Variants in ADGRL3 observed in about 807,000 individuals in gnomAD.
ADGRL3 encodes calcium-independent alpha-latrotoxin receptor 3.
ADGRL3 carries 62 observed loss-of-function variants against 153.5 expected under a neutral mutation model. The ratio of observed to expected loss-of-function variants is 0.40; its 90% confidence interval spans 0.33 to 0.50. The LOEUF (loss-of-function observed/expected upper bound fraction) is 0.50. Among genes scored for constraint, ADGRL3 ranks in the 20% least tolerant of loss-of-function variants. The probability of loss-of-function intolerance (pLI) is 0.47; values close to 1 mark genes in which losing one functional copy is unlikely to be tolerated. For synonymous variants in ADGRL3, 710 were observed against 672.5 expected (o/e 1.06, Z -0.86); for missense variants, 1,641 against 1,859.4 (o/e 0.88, Z 2.16).
At chr4:61,824,720 C>T (rs955685471) in intron 9 of ADGRL3, among the ~76,000 whole-genome samples, 1 of 152,068 alleles carries the variant, frequency 6.6e-6, no homozygotes, top group African/African-American at 2.4e-5. Flanking sequence ...TTGGCATACT[C>T]AACATAACAC....
At chr4:61,313,295 T>G (rs1336053550) in intron 1 of ADGRL3, among the ~76,000 whole-genome samples, 3 of 152,196 alleles carry the variant, frequency 2.0e-5, no homozygotes, top group Admixed American at 2.0e-4. Context: ...GAGTACTCTA[T>G]ATGGCACTGC....
chr4:61,258,566 T>C (rs1231045539), intron 1 of ADGRL3, among the ~76,000 whole-genome samples: 1 of 152,184 alleles, frequency 6.6e-6, no homozygotes, highest in Non-Finnish European at 1.5e-5. Context: ...CCTAGGTGCG[T>C]AGGTCTGTTT....
chr4:61,429,619 A>G (rs891424791), intron 2 of ADGRL3, among the ~76,000 whole-genome samples: 4 of 152,144 alleles, frequency 2.6e-5, no homozygotes, highest in African/African-American at 7.2e-5. Context: ...AGCAAGCTCT[A>G]TAAATTTTCA....
intron 9 of ADGRL3, among the ~76,000 whole-genome samples, chr4:61,849,252 C>T (rs571349310): frequency 6.6e-6 from 1 of 152,148 alleles, no homozygotes; most frequent in Non-Finnish European, 1.5e-5. Context: ...TTTATTAGGA[C>T]TCTTACTACT....
chr4:61,464,477 G>C (rs1057288934), intron 2 of ADGRL3, among the ~76,000 whole-genome samples: 1 of 151,954 alleles, frequency 6.6e-6, no homozygotes, highest in Non-Finnish European at 1.5e-5. Context: ...GATCTGTATT[G>C]TTTCTTTATA....
intron 1 of ADGRL3, among the ~76,000 whole-genome samples, chr4:61,204,852 T>C (rs2148736435): frequency 6.6e-6 from 1 of 152,308 alleles, no homozygotes; most frequent in African/African-American, 2.4e-5. Context: ...TGATGTCTCA[T>C]TTTTGGTTGC....
intron 1 of ADGRL3, among the ~76,000 whole-genome samples, chr4:61,358,596 CAAAA>C (rs71211377): frequency 2.6e-3 from 253 of 96,866 alleles, no homozygotes; most frequent in Non-Finnish European, 3.3e-3. Flanking sequence ...GACTCCGTCT[CAAAA>C]AAAAAAAAAA....
At chr4:61,971,412 G>T (rs1560448845) in intron 17 of ADGRL3, among the ~76,000 whole-genome samples, 1 of 152,012 alleles carries the variant, frequency 6.6e-6, no homozygotes, top group African/African-American at 2.4e-5. Flanking sequence ...GTGGTGTTTG[G>T]TTTTTTGTCC....
intron 5 of ADGRL3, among the ~76,000 whole-genome samples, chr4:61,627,003 C>A (rs1233188583): frequency 6.6e-6 from 1 of 151,928 alleles, no homozygotes; most frequent in East Asian, 1.9e-4. Context: ...ATTTTTAATA[C>A]CTACAATAAG....
chr4:61,202,399 G>T lies in ADGRL3; in HGVS notation c.-240+634G>T, dbSNP rs1041393382. On this transcript the variant is annotated intron_variant, in intron 1 of 26. Transcript: ENST00000683033. The surrounding 1 kb of genome is among the most constrained non-coding windows in gnomAD (Gnocchi z 5.0). ...CCCTGCCTGTTGTGTCTCCTTCACG[G>T]CAGTTTGGTTTAGACCTGCGTGCCC... 6.6e-6 allele frequency among the ~76,000 whole-genome samples: 1 copy of T among 152,198 alleles called. No homozygotes were observed. The highest frequency in any genetic ancestry group is 1.5e-5 in the Non-Finnish European group (1 of 68,036).
intron 1 of ADGRL3, among the ~76,000 whole-genome samples, chr4:61,313,482 C>T (rs753433393): frequency 2.6e-5 from 4 of 152,148 alleles, no homozygotes; most frequent in Non-Finnish European, 5.9e-5. Context: ...TGTGTGTGCC[C>T]ATGCAGGGGA....
intron 8 of ADGRL3, among the ~76,000 whole-genome samples, chr4:61,745,881 G>A (rs1311332398): frequency 6.6e-6 from 1 of 152,144 alleles, no homozygotes; most frequent in African/African-American, 2.4e-5. Flanking sequence ...AATGTAAATG[G>A]ACTAAATGCT....
At chr4:61,378,284 G>T (rs1337592246) in intron 1 of ADGRL3, among the ~76,000 whole-genome samples, 1 of 151,860 alleles carries the variant, frequency 6.6e-6, no homozygotes, top group East Asian at 1.9e-4. Flanking sequence ...ATTTTGTCCA[G>T]TTTTATCATT....
intron 1 of ADGRL3, among the ~76,000 whole-genome samples, chr4:61,278,259 A>T (rs2093569332): frequency 6.6e-6 from 1 of 152,300 alleles, no homozygotes; most frequent in East Asian, 1.9e-4. Context: ...GCTCCCTGAC[A>T]GACATGCAGC....
intron 2 of ADGRL3, among the ~76,000 whole-genome samples, chr4:61,407,318 T>A (rs558196045): frequency 4.5e-4 from 68 of 152,242 alleles, no homozygotes; most frequent in African/African-American, 1.5e-3. Context: ...AGTAGATAGG[T>A]CATTAGTCTT....
At chr4:61,499,558 G>T (rs1001935610) in intron 3 of ADGRL3, among the ~76,000 whole-genome samples, 8 of 152,116 alleles carry the variant, frequency 5.3e-5, no homozygotes, top group Non-Finnish European at 8.8e-5. Context: ...AATAGCATAT[G>T]TAAATAATGT....
intron 5 of ADGRL3, among the ~76,000 whole-genome samples, chr4:61,658,105 C>T (rs534419882): frequency 8.5e-5 from 13 of 152,158 alleles, no homozygotes; most frequent in Non-Finnish European, 1.6e-4. Flanking sequence ...TCATGGGTTG[C>T]ACCACCATCC....
chr4:61,376,503 T>A (rs1210132885), intron 1 of ADGRL3, among the ~76,000 whole-genome samples: 1 of 152,088 alleles, frequency 6.6e-6, no homozygotes, highest in Non-Finnish European at 1.5e-5. Context: ...TTCCTAGGGT[T>A]ACAGACATGG....
chr4:61,923,179 C>T (rs557019760), intron 13 of ADGRL3, among the ~76,000 whole-genome samples: 1 of 152,320 alleles, frequency 6.6e-6, no homozygotes, highest in East Asian at 1.9e-4. Context: ...AGTCTGAGTG[C>T]TATTAAAATC....
Sources: gnomAD v4.1 joint callset for allele counts (sites outside exome capture counted in the v4.1 genomes callset) on GRCh38, gnomAD v4.1.1 for gene constraint, Gnocchi (gnomAD v3.1) non-coding constraint, MANE v1.5 for transcripts, NCBI Gene and HGNC (gene_info 2026-07-23, HGNC 2026-07-21) for gene names.